Variants in CNOT7 observed in about 807,000 individuals in gnomAD.
CNOT7 encodes BTG1-binding factor 1.
In CNOT7, 4 loss-of-function variants were observed where a neutral mutation model predicts 37.1. The observed-to-expected ratio is 0.11, with a 90% CI of 0.05 to 0.25. The LOEUF (loss-of-function observed/expected upper bound fraction) is 0.25, where lower values mean the gene tolerates loss of function less well. CNOT7 is among the 10% of genes least tolerant of loss of function. The probability of loss-of-function intolerance (pLI) is 1.00; values close to 1 mark genes in which losing one functional copy is unlikely to be tolerated. For missense variants in CNOT7, 170 were observed against 336.2 expected (o/e 0.51, Z 3.87); for synonymous variants, 128 against 115.6 (o/e 1.11, Z -0.69).
At chr8:17,231,437 A>G (rs976945686) in intron 6 of CNOT7, 2 of 708,752 alleles carry the variant, frequency 2.8e-6, no homozygotes, top group African/African-American at 3.9e-5. Context: ...CTAATGAAAC[A>G]ATTGGAAGGA....
In CNOT7 at chr8:17,226,182, T is replaced by C. The variant is rs1458775008; in HGVS notation, c.*4538A>G. ...AAAATTGAAAACTCAAAATATTGAG[T>C]ACAATTTTTTTTTCTTTTTTTAGTA... On this transcript the variant is annotated 3_prime_UTR_variant, in exon 7 of 7. Coordinates refer to ENST00000361272, the MANE Select transcript of CNOT7 (RefSeq NM_013354.7). The C allele has an allele frequency of 6.6e-6, 1 of 151,220 alleles. No homozygotes were observed. Among genetic ancestry groups the C allele is most frequent in the Admixed American group, 6.6e-5 (1 of 15,162 alleles). 9.4% of individuals were successfully genotyped at this position (151,220 alleles called of 1,614,324 possible).
Position 17,228,573 on chromosome 8 carries a change from A to G in CNOT7, c.*2147T>C, listed in dbSNP as rs1563181164. The G allele has an allele frequency of 6.6e-6, 1 of 152,004 alleles. No homozygotes were observed. Among genetic ancestry groups the G allele is most frequent in the African/African-American group, 2.4e-5 (1 of 41,448 alleles). 9.4% of individuals were successfully genotyped at this position (152,004 alleles called of 1,614,324 possible). A position where few individuals can be genotyped will look rare whatever the true frequency, so the allele number is the denominator to read the frequency against. On this transcript the variant is annotated 3_prime_UTR_variant, in exon 7 of 7. Transcript: ENST00000361272. ...AAGCAATACACATTCAGTAGAAACT[A>G]TAACCCCATCTTTGGTCCTAAGGCG... is the stretch of plus-strand genomic sequence containing the variant.
At chr8:17,244,934 T>C in intron 2 of CNOT7, 102 bp downstream of exon 2, 1 of 964,810 alleles carries the variant, frequency 1.0e-6, no homozygotes, top group Non-Finnish European at 1.6e-6. Flanking sequence ...CATGGTGAAA[T>C]TAATCCCTAA....
At chr8:17,238,152 G>T (rs890503781) in intron 3 of CNOT7, among the ~76,000 whole-genome samples, 3 of 152,102 alleles carry the variant, frequency 2.0e-5, no homozygotes, top group African/African-American at 2.4e-5. Flanking sequence ...AAATATATCT[G>T]TATCTGAAAT....
At chr8:17,231,517 A>C in intron 6 of CNOT7, 1 of 985,118 alleles carries the variant, frequency 1.0e-6, no homozygotes, top group African/African-American at 1.7e-5. Context: ...AACACTACTT[A>C]GCAAAACAGC....
In CNOT7 at chr8:17,245,144, C is replaced by A; in HGVS notation, c.9G>T (p.Ala3=). The change falls in exon 2 of 7, where the codon GCG becomes GCT. Residue 3 remains alanine, a synonymous_variant. Coordinates refer to ENST00000361272, the MANE Select transcript of CNOT7 (RefSeq NM_013354.7). MP[A]ATVDHSQRIC... is the part of the protein sequence containing the mutation. Reference sequence around the variant, plus strand: ...TTCTTTGGCTATGATCTACAGTTGCCGCTGGCATAGTGAGGGCACAAGGGA... The same window carrying A: ...TTCTTTGGCTATGATCTACAGTTGCAGCTGGCATAGTGAGGGCACAAGGGA... 6.2e-7 allele frequency: 1 copy of A among 1,612,586 alleles called. No homozygotes were observed. The highest frequency in any genetic ancestry group is 8.5e-7 in the Non-Finnish European group (1 of 1,179,342).
chr8:17,230,618 G>C lies in CNOT7; in HGVS notation c.*102C>G. On this transcript the variant is annotated 3_prime_UTR_variant, in exon 7 of 7. Coordinates refer to ENST00000361272, the MANE Select transcript of CNOT7 (RefSeq NM_013354.7). The stretch of plus-strand genomic sequence containing the variant: ...GACAATAAAATGGGCCATGAAAGGG[G>C]GGGGAAAGGTACTGTCTATTGTTCG... The C allele has an allele frequency of 6.3e-6, 6 of 954,162 alleles. No homozygotes were observed. The highest frequency in any genetic ancestry group is 7.4e-6 in the Non-Finnish European group (5 of 676,104). The allele number at this position is 954,162 out of a possible 1,614,324, so 59.1% of individuals were successfully genotyped here.
chr8:17,232,889 A>T (rs1349940002), intron 5 of CNOT7, among the ~76,000 whole-genome samples: 1 of 152,190 alleles, frequency 6.6e-6, no homozygotes, highest in Non-Finnish European at 1.5e-5. Flanking sequence ...ATAATTATAA[A>T]ACTGAAAAGC....
At position 17,238,343 on chromosome 8, in the gene CNOT7, G is replaced by A. The variant is rs1439475628; in HGVS notation, c.312-970C>T. On this transcript the variant is annotated intron_variant, in intron 3 of 6. Transcript: ENST00000361272. ...CACTTCACTTGGGCCAAAAAGTATC[G>A]TTATGGTTAGTCCTTTAGAAATCAA... Among the ~76,000 whole-genome samples the A allele has an allele frequency of 4.2e-5, 6 of 142,854 alleles. No homozygotes were observed. In the East Asian group the frequency reaches 7.8e-4, roughly 19 times the overall value. 93.7% of individuals were successfully genotyped at this position (142,854 alleles called of 152,430 possible). A position where few individuals can be genotyped will look rare whatever the true frequency, so the allele number is the denominator to read the frequency against.
At position 17,227,159 on chromosome 8, in the gene CNOT7, T is replaced by C. The variant is rs1563179971; in HGVS notation, c.*3561A>G. 1 of 151,876 alleles carries C rather than the reference T, an allele frequency of 6.6e-6. No individual in the cohort carries two copies. Among genetic ancestry groups the C allele is most frequent in the Non-Finnish European group, 1.5e-5 (1 of 67,808 alleles). The allele number at this position is 151,876 out of a possible 1,614,324, so 9.4% of individuals were successfully genotyped here. On this transcript the variant is annotated 3_prime_UTR_variant, in exon 7 of 7. Transcript: ENST00000361272. ...TGAGTAACTACAGGCTTTAAACAACTTACGTTTTCACAAGCCTTAAAATTT... is the reference window on the plus strand; with the variant it reads ...TGAGTAACTACAGGCTTTAAACAACCTACGTTTTCACAAGCCTTAAAATTT...
At chr8:17,231,810 G>A (rs941046801) in intron 6 of CNOT7, 1 of 985,592 alleles carries the variant, frequency 1.0e-6, no homozygotes, top group African/African-American at 1.7e-5. Flanking sequence ...ACTGATCTCT[G>A]CCTTTTGCCG....
rs1808315805 is a variant in CNOT7, at chr8:17,228,631, ACACC to A, written c.*2085_*2088del. The A allele has an allele frequency of 6.6e-6, 1 of 151,942 alleles. No individual in the cohort carries two copies. 9.4% of individuals were successfully genotyped at this position (151,942 alleles called of 1,614,324 possible). A position where few individuals can be genotyped will look rare whatever the true frequency, so the allele number is the denominator to read the frequency against. On this transcript the variant is annotated 3_prime_UTR_variant, in exon 7 of 7. Transcript: ENST00000361272. ...ACTTTTGATGGGGTTACCTCTCAAT[ACACC>A]CACTGTAAAGTTGAAAAATCATTAA...
In CNOT7 at chr8:17,232,417, G is replaced by A; in HGVS notation, c.729+10C>T. The A allele has an allele frequency of 1.2e-6, 2 of 1,613,760 alleles. No individual in the cohort carries two copies. The highest frequency in any genetic ancestry group is 1.7e-6 in the Non-Finnish European group (2 of 1,179,880). The stretch of plus-strand genomic sequence containing the variant: ...AACCAACTGAGAAAAAGGCAGTGAT[G>A]TCTTCATACTTCTCTCATTTTGAAA... On this transcript the variant is annotated intron_variant, in intron 6 of 6. Transcript: ENST00000361272.
chr8:17,240,951 A>G (rs1029409353), intron 3 of CNOT7, among the ~76,000 whole-genome samples: 2 of 152,172 alleles, frequency 1.3e-5, no homozygotes, highest in Admixed American at 1.3e-4. Flanking sequence ...CAACAAAAAA[A>G]TCTCATAATG....
rs1808112514 is a variant in CNOT7, at chr8:17,225,767, A to ACAC, written c.*4950_*4952dup. On this transcript the variant is annotated 3_prime_UTR_variant, in exon 7 of 7. Transcript: ENST00000361272. ...TATAAAAGAAACTCTCATATAAATT[A>ACAC]CACCAACATAGCAAATGGCATGTGT... 6.6e-6 allele frequency: 1 copy of ACAC among 151,750 alleles called. No homozygotes were observed. Among genetic ancestry groups the ACAC allele is most frequent in the African/African-American group, 2.4e-5 (1 of 41,410 alleles). 9.4% of individuals were successfully genotyped at this position (151,750 alleles called of 1,614,324 possible).
rs1407643646 is a variant in CNOT7 at position 17,226,612 on chromosome 8, G to A, written c.*4108C>T. ...CTTTTAAAATTTAAAAATTTTCTTT[G>A]CACTGCATCAAGGTCCAAAAAACTG... On this transcript the variant is annotated 3_prime_UTR_variant, in exon 7 of 7. Transcript: ENST00000361272. The A allele has an allele frequency of 1.3e-5, 2 of 151,588 alleles. No homozygotes were observed. The highest frequency in any genetic ancestry group is 6.6e-5 in the Admixed American group (1 of 15,196). 9.4% of individuals were successfully genotyped at this position (151,588 alleles called of 1,614,324 possible).
rs1808078593 is a variant in CNOT7 at position 17,225,207 on chromosome 8, CTA to C, written c.*5511_*5512del. On this transcript the variant is annotated 3_prime_UTR_variant, in exon 7 of 7. Coordinates refer to ENST00000361272, the MANE Select transcript of CNOT7 (RefSeq NM_013354.7). ...TGGAAGCCATGATGATAGTCTGAAG[CTA>C]AAGGAACTCCAATTTCTTGGTATGA... The C allele has an allele frequency of 6.6e-6, 1 of 151,582 alleles. No homozygotes were observed. The highest frequency in any genetic ancestry group is 2.4e-5 in the African/African-American group (1 of 41,370). The allele number at this position is 151,582 out of a possible 1,614,324, so 9.4% of individuals were successfully genotyped here.
chr8:17,234,017 G>A (rs924659673), intron 5 of CNOT7, among the ~76,000 whole-genome samples: 4 of 152,104 alleles, frequency 2.6e-5, no homozygotes. Context: ...CCACGCCACT[G>A]CACTCCAGCC....
In CNOT7 at chr8:17,246,662, A is replaced by C; in HGVS notation, c.-96+13T>G. On this transcript the variant is annotated intron_variant, in intron 1 of 6. Transcript: ENST00000361272. ...CCCTCCCCCCGTAAGGCTGCAGCGG[A>C]TGCAAGATCTACTTGTGTCGCTGAG... 6.3e-6 allele frequency: 1 copy of C among 158,598 alleles called. No homozygotes were observed. The highest frequency in any genetic ancestry group is 1.4e-5 in the Non-Finnish European group (1 of 71,406). 9.8% of individuals were successfully genotyped at this position (158,598 alleles called of 1,614,324 possible).
Sources: allele counts gnomAD v4.1 joint callset (sites outside exome capture counted in the v4.1 genomes callset), GRCh38; gene constraint gnomAD v4.1.1; transcripts MANE v1.5; gene names NCBI Gene and HGNC (gene_info 2026-07-23, HGNC 2026-07-21).